Variants in DEPTOR observed in about 807,000 individuals in gnomAD.
DEPTOR encodes DEP domain-containing mTOR-interacting protein.
A neutral mutation model predicts 41.6 loss-of-function variants in DEPTOR; 41 were observed. The ratio of observed to expected loss-of-function variants is 0.98; its 90% CI spans 0.77 to 1.28. The LOEUF is 1.28. Among genes scored for constraint, DEPTOR ranks in the 50% most tolerant of loss-of-function variants. DEPTOR has a pLI of 0.00. For synonymous variants in DEPTOR, 195 were observed against 192.3 expected (o/e 1.01, Z -0.12); for missense variants, 514 against 527.9 (o/e 0.97, Z 0.26).
intron 1 of DEPTOR, among the ~76,000 whole-genome samples, chr8:119,905,654 A>C (rs1827653435): frequency 6.9e-6 from 1 of 145,190 alleles, no homozygotes. Context: ...TTTTTGAGAC[A>C]GAGTCTTGCT....
rs187418520 is a variant in DEPTOR, at chr8:119,985,188, C to A, written c.605-16337C>A. 1.1e-3 allele frequency among the ~76,000 whole-genome samples: 164 copies of A among 152,160 alleles called. 1 individual carries two copies. Among genetic ancestry groups the A allele is most frequent in the Admixed American group, 3.6e-3 (55 of 15,266 alleles). ...ACTCTGTCTCAAAAAGAAAAGTATTCCAATTTCTCCACATCCTCTCCAGCA... is the reference window on the plus strand; with the variant it reads ...ACTCTGTCTCAAAAAGAAAAGTATTACAATTTCTCCACATCCTCTCCAGCA... On this transcript the variant is annotated intron_variant, in intron 4 of 8. Coordinates refer to ENST00000286234, the MANE Select transcript of DEPTOR (RefSeq NM_022783.4).
chr8:119,972,135 C>CT (rs1371834551), intron 4 of DEPTOR, among the ~76,000 whole-genome samples: 2 of 152,186 alleles, frequency 1.3e-5, no homozygotes, highest in African/African-American at 4.8e-5. Flanking sequence ...TTGGCAAAAG[C>CT]TTTTAACACA....
At chr8:120,026,895 A>C (rs1259278234) in intron 8 of DEPTOR, among the ~76,000 whole-genome samples, 3 of 152,094 alleles carry the variant, frequency 2.0e-5, no homozygotes, top group Non-Finnish European at 2.9e-5. Context: ...AGACTTTTTA[A>C]AGTTTATATT....
chr8:120,048,078 C>T (rs929189157), intron 8 of DEPTOR, among the ~76,000 whole-genome samples: 2 of 151,816 alleles, frequency 1.3e-5, no homozygotes, highest in African/African-American at 2.4e-5. Flanking sequence ...CTGAGCGATG[C>T]GGAGACATGG....
chr8:120,026,470 G>A (rs1008567480), intron 8 of DEPTOR, among the ~76,000 whole-genome samples: 2 of 151,892 alleles, frequency 1.3e-5, no homozygotes, highest in African/African-American at 4.8e-5. Flanking sequence ...AGCCTCCCAA[G>A]TAGCTGAGAT....
chr8:119,973,030 C>A (rs951151059), intron 4 of DEPTOR, among the ~76,000 whole-genome samples: 2 of 151,476 alleles, frequency 1.3e-5, no homozygotes, highest in Admixed American at 1.3e-4. Context: ...ACCTTCGCCT[C>A]CCAGGTTCAA....
In DEPTOR at chr8:119,897,871, C is replaced by G. The variant is rs533468379; in HGVS notation, c.122+23903C>G. On this transcript the variant is annotated intron_variant, in intron 1 of 8. Transcript: ENST00000286234. ...GCATTTGAAGTTCTTAGAATGAGAC[C>G]TAGCATGTAGGAAACACTCATTGTT... 2.6e-4 allele frequency among the ~76,000 whole-genome samples: 40 copies of G among 152,200 alleles called. No individual in the cohort carries two copies. The South Asian group carries it at 8.1e-3, about 31-fold the overall frequency.
chr8:119,991,225 G>C (rs1332419666), intron 4 of DEPTOR, among the ~76,000 whole-genome samples: 2 of 151,596 alleles, frequency 1.3e-5, no homozygotes, highest in African/African-American at 4.9e-5. Flanking sequence ...CATCACCCAG[G>C]ATATTAAGCC....
At chr8:120,047,478 C>T (rs1007433719) in intron 8 of DEPTOR, among the ~76,000 whole-genome samples, 3 of 152,076 alleles carry the variant, frequency 2.0e-5, no homozygotes, top group African/African-American at 7.2e-5. Context: ...AGTGATTCTT[C>T]TGCCTCAGCT....
chr8:120,016,170 C>G (rs1812608682), intron 8 of DEPTOR, among the ~76,000 whole-genome samples: 2 of 152,174 alleles, frequency 1.3e-5, no homozygotes, highest in Non-Finnish European at 2.9e-5. Flanking sequence ...AGCAAGTTCT[C>G]TAGTCTCTGC....
intron 1 of DEPTOR, among the ~76,000 whole-genome samples, chr8:119,880,140 TC>T: frequency 8.9e-6 from 1 of 112,526 alleles, no homozygotes. Context: ...GGACTCCGTC[TC>T]AAAATAAAAT....
intron 1 of DEPTOR, among the ~76,000 whole-genome samples, chr8:119,911,038 C>G (rs1827729404): frequency 6.6e-6 from 1 of 152,074 alleles, no homozygotes; most frequent in Admixed American, 6.6e-5. Flanking sequence ...TTTATCTTTT[C>G]AACACAGCAG....
chr8:119,879,507 T>C (rs910419195), intron 1 of DEPTOR, among the ~76,000 whole-genome samples: 1 of 151,626 alleles, frequency 6.6e-6, no homozygotes, highest in Admixed American at 6.6e-5. Context: ...AGATCAGGAG[T>C]TCCAGACCAG....
intron 3 of DEPTOR, among the ~76,000 whole-genome samples, chr8:119,951,320 C>T (rs183624434): frequency 1.8e-4 from 28 of 152,164 alleles, no homozygotes; most frequent in Admixed American, 1.2e-3. Flanking sequence ...AAAGGCTCAC[C>T]GAGGTTTGAA....
At chr8:120,030,800 A>G (rs983021435) in intron 8 of DEPTOR, among the ~76,000 whole-genome samples, 2 of 151,114 alleles carry the variant, frequency 1.3e-5, no homozygotes, top group South Asian at 2.1e-4. Flanking sequence ...AGCCTCATCA[A>G]TTTCTTTGTT....
At chr8:120,024,390 G>A (rs1343933003) in intron 8 of DEPTOR, among the ~76,000 whole-genome samples, 2 of 152,116 alleles carry the variant, frequency 1.3e-5, no homozygotes, top group Non-Finnish European at 2.9e-5. Context: ...TGGCTGTTAG[G>A]GGCTGAATTT....
chr8:119,918,752 C>G (rs1827849092), intron 1 of DEPTOR, among the ~76,000 whole-genome samples: 1 of 152,084 alleles, frequency 6.6e-6, no homozygotes, highest in South Asian at 2.1e-4. Context: ...TGCCACCGCG[C>G]CCAGCCTAAT....
chr8:119,953,121 C>T lies in DEPTOR; in HGVS notation c.426-12111C>T, dbSNP rs990376988. Among the ~76,000 whole-genome samples the T allele has an allele frequency of 4.6e-5, 7 of 152,070 alleles. No individual in the cohort carries two copies. The East Asian group carries it at 1.3e-3, about 29-fold the overall frequency. On this transcript the variant is annotated intron_variant, in intron 3 of 8. Coordinates refer to ENST00000286234, the MANE Select transcript of DEPTOR (RefSeq NM_022783.4). ...ATTAATACTTTCTTGCTGTCAAGGC[C>T]AAGGGAAAACTTTCCCTTTCTTGCT... is the stretch of plus-strand genomic sequence containing the variant.
In DEPTOR at chr8:119,906,353, G is replaced by T. The variant is rs1827663894; in HGVS notation, c.123-22047G>T. ...TGTCTGTGGTCCCAGCTACTCAGGA[G>T]GCTGAGGCGGGAAGATCACTTGAGC... On this transcript the variant is annotated intron_variant, in intron 1 of 8. Transcript: ENST00000286234. 2.0e-5 allele frequency among the ~76,000 whole-genome samples: 3 copies of T among 152,068 alleles called. 1 individual carries two copies. In the South Asian group the frequency reaches 6.2e-4, roughly 32 times the overall value.
Sources: gnomAD v4.1 joint callset for allele counts (sites outside exome capture counted in the v4.1 genomes callset) on GRCh38, gnomAD v4.1.1 for gene constraint, MANE v1.5 for transcripts, NCBI Gene and HGNC (gene_info 2026-07-23, HGNC 2026-07-21) for gene names.